The following MLPH variants were observed in gnomAD, a reference collection of about 807,000 sequenced individuals.
The protein encoded by MLPH is exophilin-3.
MLPH carries 51 observed loss-of-function variants against 72.1 expected under a neutral mutation model. The ratio of observed to expected loss-of-function variants is 0.71; its 90% CI spans 0.56 to 0.89. The LOEUF (loss-of-function observed/expected upper bound fraction) is 0.89, where lower values mean the gene tolerates loss of function less well. Among genes scored for constraint, MLPH ranks in the 40% least tolerant of loss-of-function variants. The probability of loss-of-function intolerance (pLI) is 0.00; values close to 1 mark genes in which losing one functional copy is unlikely to be tolerated. For missense variants in MLPH, 743 were observed against 759.9 expected, an observed-to-expected ratio of 0.98 and a Z score of 0.26; for synonymous variants, 301 against 310.1, an observed-to-expected ratio of 0.97 and a Z score of 0.31.
intron 8 of MLPH, 140 bp downstream of exon 8, chr2:237,527,656 A>C (rs2080333465): frequency 9.7e-7 from 1 of 1,031,904 alleles, no homozygotes; most frequent in Admixed American, 2.2e-5. Flanking sequence ...TAATGGAGAT[A>C]CGTCATCACA....
rs142451606 is a variant in MLPH at position 237,546,456 on chromosome 2, G to A, written c.1540-150G>A. ...GGCGCCCTAGTCCCAGAGTCCTGGA[G>A]CGGCATACTGGGGGTGGCTGTGCAG... On this transcript the variant is annotated intron_variant, in intron 12 of 15. Coordinates refer to ENST00000264605, the MANE Select transcript of MLPH (RefSeq NM_024101.7). 4.1e-5 allele frequency: 29 copies of A among 715,246 alleles called. No homozygotes were observed. The African/African-American group carries it at 4.5e-4, about 11-fold the overall frequency. 44.3% of individuals were successfully genotyped at this position (715,246 alleles called of 1,614,324 possible).
Position 237,520,037 on chromosome 2 carries a change from G to A in MLPH, c.675+8G>A. 1 of 1,613,838 alleles carries A rather than the reference G, an allele frequency of 6.2e-7. No individual in the cohort carries two copies. Among genetic ancestry groups the A allele is most frequent in the Non-Finnish European group, 8.5e-7 (1 of 1,180,006 alleles). ...GCCAGGGACAGCCCACAGGTCAGTG[G>A]GTCCTCGTGTCTTTCCCCTGCCCCT... On this transcript the variant is annotated splice_region_variant and intron_variant, in intron 6 of 15. Coordinates refer to ENST00000264605, the MANE Select transcript of MLPH (RefSeq NM_024101.7).
At chr2:237,489,059 A>G (rs1268035220) in intron 1 of MLPH, among the ~76,000 whole-genome samples, 2 of 152,028 alleles carry the variant, frequency 1.3e-5, no homozygotes, top group African/African-American at 4.8e-5. Context: ...GCCATTGTCC[A>G]TGGTACAGAT....
At chr2:237,499,418 A>C (rs765437098) in intron 2 of MLPH, among the ~76,000 whole-genome samples, 1 of 152,154 alleles carries the variant, frequency 6.6e-6, no homozygotes, top group Non-Finnish European at 1.5e-5. Context: ...GTTAGTGGCC[A>C]CCATATCAGA....
chr2:237,515,283 G>A (rs1440351034), intron 4 of MLPH, among the ~76,000 whole-genome samples: 1 of 152,200 alleles, frequency 6.6e-6, no homozygotes, highest in African/African-American at 2.4e-5. Flanking sequence ...AGATGCGTCG[G>A]TGATTGATTG....
intron 4 of MLPH, among the ~76,000 whole-genome samples, chr2:237,514,736 G>T (rs2079977937): frequency 6.6e-6 from 1 of 152,186 alleles, no homozygotes; most frequent in Non-Finnish European, 1.5e-5. Flanking sequence ...GCACCTGCAG[G>T]CCCCTTTAAA....
chr2:237,522,753 G>A (rs1418242430), intron 6 of MLPH, among the ~76,000 whole-genome samples: 2 of 152,202 alleles, frequency 1.3e-5, no homozygotes, highest in Non-Finnish European at 2.9e-5. Context: ...CTGCTGCTAA[G>A]AGAAAGCTAA....
chr2:237,510,742 C>T lies in MLPH; in HGVS notation c.279C>T (p.Gly93=), dbSNP rs1404173547. ...GCCTCTTCACCTGCAAAAGCTGTGGCCGCGTCCACCCGGAGGAGCAGGGCT... is the reference window on the plus strand; with the variant it reads ...GCCTCTTCACCTGCAAAAGCTGTGGTCGCGTCCACCCGGAGGAGCAGGGCT... ...ECGLFTCKSC[G]RVHPEEQGWI... is the part of the protein sequence containing the mutation. The change falls in exon 3 of 16, where the codon GGC becomes GGT. Residue 93 remains glycine, a synonymous_variant. Transcript: ENST00000264605. The surrounding 1 kb of genome is among the most constrained non-coding windows in gnomAD (Gnocchi z 4.4). 6.2e-7 allele frequency: 1 copy of T among 1,613,654 alleles called. No individual in the cohort carries two copies. Among genetic ancestry groups the T allele is most frequent in the Admixed American group, 1.7e-5 (1 of 60,030 alleles).
chr2:237,545,335 C>G lies in MLPH; in HGVS notation c.1540-1271C>G, dbSNP rs1331602675. The G allele has an allele frequency of 3.8e-6, 3 of 782,160 alleles. No individual in the cohort carries two copies. In the African/African-American group the frequency reaches 5.5e-5, roughly 14 times the overall value. 48.5% of individuals were successfully genotyped at this position (782,160 alleles called of 1,614,324 possible). A position where few individuals can be genotyped will look rare whatever the true frequency, so the allele number is the denominator to read the frequency against. On this transcript the variant is annotated intron_variant, in intron 12 of 15. Coordinates refer to ENST00000264605, the MANE Select transcript of MLPH (RefSeq NM_024101.7). ...GCCACCGTGGGCCTGACAGCAGGAT[C>G]CTGGGCCCCCCACCTCCCTTCCCGT...
chr2:237,501,664 TAAAAAAAAAA>T (rs58268748), intron 2 of MLPH, among the ~76,000 whole-genome samples: 2 of 63,552 alleles, frequency 3.1e-5, no homozygotes, highest in Non-Finnish European at 5.3e-5. Flanking sequence ...ACGTCTCTAC[TAAAAAAAAAA>T]AAAAAAAAAA....
At chr2:237,549,663 G>T (rs2080993448) in intron 14 of MLPH, among the ~76,000 whole-genome samples, 1 of 152,184 alleles carries the variant, frequency 6.6e-6, no homozygotes, top group South Asian at 2.1e-4. Flanking sequence ...GGACGAACGG[G>T]ATGTGAGGCC....
Position 237,554,949 on chromosome 2 carries a change from C to G in MLPH, c.*1357C>G, listed in dbSNP as rs1333278698. 5.3e-5 allele frequency: 8 copies of G among 152,080 alleles called. No homozygotes were observed. Among genetic ancestry groups the G allele is most frequent in the African/African-American group, 7.2e-5 (3 of 41,396 alleles). The allele number at this position is 152,080 out of a possible 1,614,324, so 9.4% of individuals were successfully genotyped here. ...GGGAGTTTTTCCATATAATTCCCAG[C>G]CTTACTTATAAATTCTATTCTTTGA... On this transcript the variant is annotated 3_prime_UTR_variant, in exon 16 of 16. Transcript: ENST00000264605.
At chr2:237,549,322 A>G in intron 14 of MLPH, 44 bp downstream of exon 14, 1 of 1,535,524 alleles carries the variant, frequency 6.5e-7, no homozygotes, top group Non-Finnish European at 9.0e-7. Flanking sequence ...CTGGGAAATG[A>G]GCTTCGGGGA....
intron 9 of MLPH, among the ~76,000 whole-genome samples, chr2:237,538,508 C>A (rs940352849): frequency 6.6e-6 from 1 of 152,212 alleles, no homozygotes; most frequent in South Asian, 2.1e-4. Context: ...GAGCTGCCCT[C>A]GAAGAATCGG....
intron 8 of MLPH, 122 bp from the exon 9 acceptor site, chr2:237,534,442 G>C: frequency 2.5e-6 from 2 of 801,760 alleles, no homozygotes; most frequent in Non-Finnish European, 4.4e-6. Flanking sequence ...TGTCATGGGT[G>C]GTGGCCTTAG....
At chr2:237,535,666 A>G (rs1355664084) in intron 9 of MLPH, among the ~76,000 whole-genome samples, 3 of 152,214 alleles carry the variant, frequency 2.0e-5, no homozygotes, top group African/African-American at 4.8e-5. Flanking sequence ...CTTTGAGCAC[A>G]AAGTTTGAGG....
At position 237,554,819 on chromosome 2, in the gene MLPH, T is replaced by C. The variant is rs1456857870; in HGVS notation, c.*1227T>C. ...CTCTCACTTAAAACTAAGGTTTGAA[T>C]CTCAAAGTGTTGCTGGGAGGCTGAT... On this transcript the variant is annotated 3_prime_UTR_variant, in exon 16 of 16. Coordinates refer to ENST00000264605, the MANE Select transcript of MLPH (RefSeq NM_024101.7). 1 of 152,204 alleles carries C rather than the reference T, an allele frequency of 6.6e-6. No homozygotes were observed. The highest frequency in any genetic ancestry group is 1.5e-5 in the Non-Finnish European group (1 of 68,040). 9.4% of individuals were successfully genotyped at this position (152,204 alleles called of 1,614,324 possible).
intron 4 of MLPH, among the ~76,000 whole-genome samples, chr2:237,514,192 C>T (rs928962618): frequency 5.9e-5 from 9 of 151,978 alleles, no homozygotes; most frequent in African/African-American, 2.2e-4. Flanking sequence ...GAGAATGGGG[C>T]GGGATGCTCT....
rs116619661 is a variant in MLPH, at chr2:237,525,978, G to A, written c.880+173G>A. ...CCAGCAAACACCGTGGACACCTGCC[G>A]TCCCCGGGACCGGGATGTGCGCTTC... On this transcript the variant is annotated intron_variant, in intron 7 of 15. Coordinates refer to ENST00000264605, the MANE Select transcript of MLPH (RefSeq NM_024101.7). Among the ~76,000 whole-genome samples, 953 of 152,342 alleles carry A rather than the reference G, an allele frequency of 6.3e-3. 7 individuals carry two copies. The highest frequency in any genetic ancestry group is 0.022 in the African/African-American group (905 of 41,594).
Sources: gnomAD v4.1 joint callset for allele counts (sites outside exome capture counted in the v4.1 genomes callset) on GRCh38, gnomAD v4.1.1 for gene constraint, Gnocchi (gnomAD v3.1) non-coding constraint, MANE v1.5 for transcripts, NCBI Gene and HGNC (gene_info 2026-07-23, HGNC 2026-07-21) for gene names.